HOMER1: variants seen among roughly 807,000 people sequenced by gnomAD.
HOMER1 encodes the protein homer protein homolog 1.
HOMER1 carries 3 observed loss-of-function variants against 48.9 expected under a neutral mutation model. The ratio of observed to expected loss-of-function variants is 0.06; its 90% CI spans 0.03 to 0.16. HOMER1 has a LOEUF of 0.16. Ranked by LOEUF, HOMER1 falls within the 10% of genes least tolerant of loss-of-function variation. The pLI is 1.00. For missense variants in HOMER1, 247 were observed against 411.4 expected, an observed-to-expected ratio of 0.60 and a Z score of 3.46; for synonymous variants, 134 against 146.4, an observed-to-expected ratio of 0.92 and a Z score of 0.61.
intron 1 of HOMER1, among the ~76,000 whole-genome samples, chr5:79,472,694 G>A (rs538983041): frequency 2.0e-5 from 3 of 152,030 alleles, no homozygotes; most frequent in South Asian, 2.1e-4. Flanking sequence ...CAGGAGGATC[G>A]CTTGAGCCCG....
chr5:79,482,847 A>C (rs903401950), intron 1 of HOMER1, among the ~76,000 whole-genome samples: 1 of 151,894 alleles, frequency 6.6e-6, no homozygotes, highest in African/African-American at 2.4e-5. Context: ...ATATTAAAAA[A>C]AAAAAAATAG....
intron 8 of HOMER1, 144 bp from the exon 9 acceptor site, chr5:79,376,341 A>G: frequency 1.6e-6 from 1 of 614,060 alleles, no homozygotes; most frequent in South Asian, 2.6e-5. Context: ...GCACAATTTA[A>G]GGAGATTTTA....
At chr5:79,428,332 A>C (rs1305028554) in intron 5 of HOMER1, among the ~76,000 whole-genome samples, 1 of 152,142 alleles carries the variant, frequency 6.6e-6, no homozygotes, top group African/African-American at 2.4e-5. Flanking sequence ...CATACAGCTA[A>C]CATCATATTT....
rs892272148 is a variant in HOMER1, at chr5:79,375,859, C to T, written c.*150G>A. Reference sequence around the variant, plus strand: ...ATTCTAAAATTTACAGTGAAATATACAATTCCAATTTCAAAAGATCCTCCT... The same window carrying T: ...ATTCTAAAATTTACAGTGAAATATATAATTCCAATTTCAAAAGATCCTCCT... On this transcript the variant is annotated 3_prime_UTR_variant, in exon 9 of 9. Transcript: ENST00000334082. The T allele has an allele frequency of 2.2e-6, 1 of 459,624 alleles. No individual in the cohort carries two copies. Among genetic ancestry groups the T allele is most frequent in the African/African-American group, 2.0e-5 (1 of 49,010 alleles). 28.5% of individuals were successfully genotyped at this position (459,624 alleles called of 1,614,324 possible).
At chr5:79,457,183 G>A (rs1204859301) in intron 1 of HOMER1, among the ~76,000 whole-genome samples, 165 bp from the exon 2 acceptor site, 2 of 152,178 alleles carry the variant, frequency 1.3e-5, no homozygotes, top group Non-Finnish European at 2.9e-5. Context: ...TCAGTCATAA[G>A]GTTTCTAAAA....
At chr5:79,468,183 G>A (rs1478552869) in intron 1 of HOMER1, among the ~76,000 whole-genome samples, 2 of 152,178 alleles carry the variant, frequency 1.3e-5, no homozygotes, top group Non-Finnish European at 2.9e-5. Flanking sequence ...TTCAGCTGGT[G>A]CAACTGAGAA....
Position 79,408,725 on chromosome 5 carries a change from T to C in HOMER1, c.528-6670A>G, listed in dbSNP as rs147872102. Among the ~76,000 whole-genome samples, 47 of 152,098 alleles carry C rather than the reference T, an allele frequency of 3.1e-4. 1 individual carries two copies. In the East Asian group the frequency reaches 8.3e-3, roughly 27 times the overall value. On this transcript the variant is annotated intron_variant, in intron 5 of 8. Coordinates refer to ENST00000334082, the MANE Select transcript of HOMER1 (RefSeq NM_004272.5). ...ATATTATACAATACCAAAAACATGG[T>C]CCATTAAAAAAACTGATCACAGGAA...
chr5:79,410,475 G>C (rs1177411657), intron 5 of HOMER1, among the ~76,000 whole-genome samples: 2 of 137,876 alleles, frequency 1.5e-5, no homozygotes, highest in Admixed American at 7.5e-5. Context: ...GGTAACAAGA[G>C]TGAAACTCTA....
At position 79,373,495 on chromosome 5, in the gene HOMER1, C is replaced by T. The variant is rs958336801; in HGVS notation, c.*2514G>A. ...TATAGATACAGTATATAATACTTGTCTCTGGGAAAAATCAAATTTTAATAT... is the reference window on the plus strand; with the variant it reads ...TATAGATACAGTATATAATACTTGTTTCTGGGAAAAATCAAATTTTAATAT... On this transcript the variant is annotated 3_prime_UTR_variant, in exon 9 of 9. Coordinates refer to ENST00000334082, the MANE Select transcript of HOMER1 (RefSeq NM_004272.5). 5 of 151,506 alleles carry T rather than the reference C, an allele frequency of 3.3e-5. No homozygotes were observed. The highest frequency in any genetic ancestry group is 4.2e-4 in the South Asian group (2 of 4,782). The allele number at this position is 151,506 out of a possible 1,614,324, so 9.4% of individuals were successfully genotyped here. A position where few individuals can be genotyped will look rare whatever the true frequency, so the allele number is the denominator to read the frequency against.
chr5:79,506,655 G>C (rs2112382497), intron 1 of HOMER1, among the ~76,000 whole-genome samples: 1 of 152,240 alleles, frequency 6.6e-6, no homozygotes, highest in Non-Finnish European at 1.5e-5. Context: ...TGGGCAACAT[G>C]ATGAAACCCC....
intron 8 of HOMER1, among the ~76,000 whole-genome samples, chr5:79,383,796 G>A (rs768382547): frequency 8.6e-5 from 13 of 151,964 alleles, no homozygotes; most frequent in African/African-American, 1.2e-4. Flanking sequence ...AATCGAAATC[G>A]TATTAATTAT....
chr5:79,419,620 G>A (rs13359937), intron 5 of HOMER1, among the ~76,000 whole-genome samples: 31,642 of 151,270 alleles, frequency 0.21, 3,428 homozygotes, highest in South Asian at 0.32. Context: ...ATCTGGAAGC[G>A]TATCTGCCAT....
chr5:79,385,190 T>C (rs1360768207), intron 8 of HOMER1, among the ~76,000 whole-genome samples: 1 of 152,142 alleles, frequency 6.6e-6, no homozygotes, highest in Non-Finnish European at 1.5e-5. Flanking sequence ...CTTCTGGACA[T>C]TGGTGTAGGC....
intron 5 of HOMER1, among the ~76,000 whole-genome samples, chr5:79,421,771 A>AT (rs1237078362): frequency 1.3e-5 from 2 of 151,826 alleles, no homozygotes; most frequent in African/African-American, 2.4e-5. Context: ...TGCCCAGCTA[A>AT]TTTTTTTGTA....
intron 1 of HOMER1, among the ~76,000 whole-genome samples, chr5:79,498,755 CAAGT>C (rs1244382690): frequency 1.3e-5 from 2 of 151,726 alleles, no homozygotes; most frequent in Non-Finnish European, 2.9e-5. Flanking sequence ...GTGAGGAAAT[CAAGT>C]AACTTACAAC....
intron 6 of HOMER1, 136 bp downstream of exon 6, chr5:79,401,763 A>T (rs924618109): frequency 2.5e-6 from 2 of 788,048 alleles, no homozygotes. Flanking sequence ...AAACAAATGC[A>T]TATCATACAA....
intron 4 of HOMER1, among the ~76,000 whole-genome samples, chr5:79,443,693 A>G (rs778402699): frequency 1.2e-4 from 19 of 152,164 alleles, no homozygotes; most frequent in Non-Finnish European, 2.6e-4. Context: ...CAATATTCCT[A>G]TTAAGGACAT....
intron 2 of HOMER1, among the ~76,000 whole-genome samples, chr5:79,453,320 A>G (rs1310694884): frequency 6.6e-6 from 1 of 152,184 alleles, no homozygotes; most frequent in Non-Finnish European, 1.5e-5. Flanking sequence ...TGAGTCAACA[A>G]CAGGTTTTAT....
intron 5 of HOMER1, among the ~76,000 whole-genome samples, chr5:79,416,606 G>A (rs1397760408): frequency 6.6e-6 from 1 of 152,310 alleles, no homozygotes; most frequent in Non-Finnish European, 1.5e-5. Flanking sequence ...ATTGGAGATG[G>A]CTCCACACTG....
Sources: gnomAD v4.1 joint callset for allele counts (sites outside exome capture counted in the v4.1 genomes callset) on GRCh38, gnomAD v4.1.1 for gene constraint, MANE v1.5 for transcripts, NCBI Gene and HGNC (gene_info 2026-07-23, HGNC 2026-07-21) for gene names.